GDNF: variants seen among roughly 807,000 people sequenced by gnomAD.
The protein encoded by GDNF is glial cell line-derived neurotrophic factor.
Under a neutral mutation model 13.7 loss-of-function variants are expected in GDNF, and 5 were observed. That is an observed-to-expected ratio of 0.36 (90% CI 0.19 to 0.77). GDNF has a LOEUF of 0.77. Ranked by LOEUF, GDNF falls within the 30% of genes least tolerant of loss-of-function variation. The pLI is 0.51. For missense variants in GDNF, 246 were observed against 274.3 expected, an observed-to-expected ratio of 0.90 and a Z score of 0.73; for synonymous variants, 122 against 112.5, an observed-to-expected ratio of 1.08 and a Z score of -0.53.
At chr5:37,835,733 A>T in intron 1 of GDNF, 3 of 1,289,562 alleles carry the variant, frequency 2.3e-6, no homozygotes, top group Non-Finnish European at 3.3e-6. Flanking sequence ...CCTTTGAGAG[A>T]TTCTGGCCCT....
In GDNF at chr5:37,837,069, C is replaced by A. The variant is rs537849214; in HGVS notation, c.-26-2247G>T. ...AGCGCCGCCGGGACCGGCTCCAGTC[C>A]GAGGGGCTCTTTCGTTCTCGGTATT... On this transcript the variant is annotated intron_variant, in intron 1 of 2. Transcript: ENST00000326524. This position sits in a 1 kb window ranked among gnomAD's most constrained non-coding sequence, Gnocchi z 6.5. Among the ~76,000 whole-genome samples, 188 of 152,152 alleles carry A rather than the reference C, an allele frequency of 1.2e-3. No individual in the cohort carries two copies. The highest frequency in any genetic ancestry group is 4.3e-3 in the African/African-American group (180 of 41,530).
At chr5:37,820,353 T>A (rs1435115563) in intron 2 of GDNF, among the ~76,000 whole-genome samples, 1 of 152,238 alleles carries the variant, frequency 6.6e-6, no homozygotes. Flanking sequence ...GCACTTATAG[T>A]GTTCTTTTTT....
intron 2 of GDNF, chr5:37,824,186 C>G: frequency 4.1e-6 from 1 of 244,814 alleles, no homozygotes; most frequent in Non-Finnish European, 6.5e-6. Context: ...CTTCAGTTTC[C>G]ATCTGTAAAA....
At chr5:37,835,407 C>T (rs1398255966) in intron 1 of GDNF, 2 of 1,410,300 alleles carry the variant, frequency 1.4e-6, no homozygotes, top group Non-Finnish European at 1.8e-6. Context: ...AGCCTGCCGC[C>T]CACACCTCAT....
At chr5:37,835,534 C>T in intron 1 of GDNF, 3 of 1,483,396 alleles carry the variant, frequency 2.0e-6, no homozygotes, top group South Asian at 1.2e-5. Flanking sequence ...AGCACTGATT[C>T]GATTTAAAAT....
rs1037659217 is a variant in GDNF, at chr5:37,838,568, C to T, written c.-27+939G>A. ...GGGATGGGTAAGCCCCCCGGGGGCG[C>T]GCACATGGGTCCTGGCGGCGGATTC... On this transcript the variant is annotated intron_variant, in intron 1 of 2. Coordinates refer to ENST00000326524, the MANE Select transcript of GDNF (RefSeq NM_000514.4). The surrounding 1 kb of genome is among the most constrained non-coding windows in gnomAD (Gnocchi z 4.1). Among the ~76,000 whole-genome samples, 32 of 152,206 alleles carry T rather than the reference C, an allele frequency of 2.1e-4. No homozygotes were observed. Among genetic ancestry groups the T allele is most frequent in the Non-Finnish European group, 4.4e-5 (3 of 68,034 alleles).
chr5:37,835,243 T>C (rs574981703), intron 1 of GDNF, among the ~76,000 whole-genome samples: 53 of 151,952 alleles, frequency 3.5e-4, no homozygotes, highest in Admixed American at 2.2e-3. Context: ...CCTCCCCTTC[T>C]TGTCCCGGTA....
At chr5:37,816,185 C>T in intron 2 of GDNF, 50 bp from the exon 3 acceptor site, 2 of 1,603,326 alleles carry the variant, frequency 1.2e-6, no homozygotes, top group Non-Finnish European at 1.7e-6. Flanking sequence ...ATGATCATTT[C>T]AAGCCGTCTT....
intron 1 of GDNF, among the ~76,000 whole-genome samples, chr5:37,836,838 T>A (rs1750724875): frequency 6.6e-6 from 1 of 152,260 alleles, no homozygotes. Context: ...TTTTTCCTGC[T>A]TGGCCGACGG....
chr5:37,832,300 C>T (rs998997882), intron 2 of GDNF, among the ~76,000 whole-genome samples: 1 of 152,174 alleles, frequency 6.6e-6, no homozygotes, highest in Non-Finnish European at 1.5e-5. Flanking sequence ...ACCAGTTGCA[C>T]CATGTACAGT....
At chr5:37,827,169 G>C (rs1264012657) in intron 2 of GDNF, among the ~76,000 whole-genome samples, 1 of 150,786 alleles carries the variant, frequency 6.6e-6, no homozygotes, top group African/African-American at 2.4e-5. Flanking sequence ...GAAGTATAAA[G>C]ATACCAGACA....
chr5:37,828,316 A>G (rs1281863754), intron 2 of GDNF, among the ~76,000 whole-genome samples: 3 of 152,188 alleles, frequency 2.0e-5, no homozygotes, highest in Non-Finnish European at 2.9e-5. Flanking sequence ...CATCAATATT[A>G]TAGGAATACT....
In GDNF at chr5:37,815,910, T is replaced by C. The variant is rs769075285; in HGVS notation, c.377A>G (p.Asn126Ser). The C allele has an allele frequency of 3.7e-6, 6 of 1,614,034 alleles. No individual in the cohort carries two copies. Among genetic ancestry groups the C allele is most frequent in the Non-Finnish European group, 5.1e-6 (6 of 1,180,028 alleles). The change falls in exon 3 of 3, where the codon AAT (asparagine) becomes AGT (serine). Residue 126 changes from asparagine to serine, a missense_variant. By Grantham distance (46) the Asn-to-Ser change is conservative. Coordinates refer to ENST00000326524, the MANE Select transcript of GDNF (RefSeq NM_000514.4). This position sits in a 1 kb window ranked among gnomAD's most constrained non-coding sequence, Gnocchi z 5.0. ...RGCVLTAIHLNVTDLGLGYET... is the reference protein window; with the variant it reads ...RGCVLTAIHLSVTDLGLGYET... ...ATAGCCCAGACCCAAGTCAGTGACA[T>C]TTAAATGTATTGCAGTTAAGACACA...
intron 2 of GDNF, among the ~76,000 whole-genome samples, chr5:37,826,049 C>A (rs1382879436): frequency 6.6e-6 from 1 of 152,100 alleles, no homozygotes; most frequent in Admixed American, 6.5e-5. Flanking sequence ...AGAGTGACAT[C>A]TGAGTGTCAT....
rs542283267 is a variant in GDNF, at chr5:37,835,265, C to G, written c.-26-443G>C. 93 of 385,612 alleles carry G rather than the reference C, an allele frequency of 2.4e-4. No homozygotes were observed. In the East Asian group the frequency reaches 4.9e-3, roughly 20 times the overall value. 23.9% of individuals were successfully genotyped at this position (385,612 alleles called of 1,614,324 possible). A position where few individuals can be genotyped will look rare whatever the true frequency, so the allele number is the denominator to read the frequency against. On this transcript the variant is annotated intron_variant, in intron 1 of 2. Transcript: ENST00000326524. Reference sequence around the variant, plus strand: ...TTCTTGTCCCGGTAGCTCCTATAGGCCCCTGAACGAGCCCTCGGCCCAAGC... The same window carrying G: ...TTCTTGTCCCGGTAGCTCCTATAGGGCCCTGAACGAGCCCTCGGCCCAAGC...
intron 2 of GDNF, among the ~76,000 whole-genome samples, chr5:37,826,615 G>A (rs1750322173): frequency 6.6e-6 from 1 of 152,190 alleles, no homozygotes; most frequent in Admixed American, 6.5e-5. Flanking sequence ...TTATCTTTGT[G>A]TCCACTATGG....
At position 37,837,144 on chromosome 5, in the gene GDNF, G is replaced by C. The variant is rs1750735811; in HGVS notation, c.-26-2322C>G. 1.3e-5 allele frequency among the ~76,000 whole-genome samples: 2 copies of C among 152,218 alleles called. No homozygotes were observed. Among genetic ancestry groups the C allele is most frequent in the African/African-American group, 4.8e-5 (2 of 41,466 alleles). On this transcript the variant is annotated intron_variant, in intron 1 of 2. Coordinates refer to ENST00000326524, the MANE Select transcript of GDNF (RefSeq NM_000514.4). The surrounding 1 kb of genome is among the most constrained non-coding windows in gnomAD (Gnocchi z 6.5). ...GGTTGGGGGACTCGGCACACACAGC[G>C]TCTACTAGGACGTTTTTCTTAGAGT...
At chr5:37,816,669 G>T (rs1005179681) in intron 2 of GDNF, among the ~76,000 whole-genome samples, 18 of 152,296 alleles carry the variant, frequency 1.2e-4, no homozygotes, top group African/African-American at 4.1e-4. Flanking sequence ...ACACACCAAA[G>T]ATCCACGCAC....
At chr5:37,823,116 G>A (rs1750197119) in intron 2 of GDNF, 1 of 152,132 alleles carries the variant, frequency 6.6e-6, no homozygotes, top group Admixed American at 6.5e-5. Flanking sequence ...TCCCTTCAAG[G>A]CTAAATTGAA....
Sources: gnomAD v4.1 joint callset for allele counts (sites outside exome capture counted in the v4.1 genomes callset) on GRCh38, gnomAD v4.1.1 for gene constraint, Gnocchi (gnomAD v3.1) non-coding constraint, MANE v1.5 for transcripts, NCBI Gene and HGNC (gene_info 2026-07-23, HGNC 2026-07-21) for gene names.